ARL15: variants seen among roughly 807,000 people sequenced by gnomAD.
The protein encoded by ARL15 is ADP-ribosylation factor-like protein 15.
In ARL15, 19 loss-of-function variants were observed where a neutral mutation model predicts 25.2. The ratio of observed to expected loss-of-function variants is 0.75; its 90% CI spans 0.53 to 1.10. The LOEUF is 1.10. Ranked by LOEUF, ARL15 falls within the 50% of genes least tolerant of loss-of-function variation. The pLI is 0.00. For missense variants in ARL15, 220 were observed against 246.0 expected (o/e 0.89, Z 0.71); for synonymous variants, 94 against 86.8 (o/e 1.08, Z -0.46).
rs79343818 is a variant in ARL15, at chr5:54,119,589, T to G, written c.254-6179A>C. ...ATTAAGTGCCTATAACTTGAAGTTCTCAAATGACTTGATTTAGCATTTATA... is the reference window on the plus strand; with the variant it reads ...ATTAAGTGCCTATAACTTGAAGTTCGCAAATGACTTGATTTAGCATTTATA... On this transcript the variant is annotated intron_variant, in intron 3 of 4. Coordinates refer to ENST00000504924, the MANE Select transcript of ARL15 (RefSeq NM_019087.3). Among the ~76,000 whole-genome samples, 447 of 152,320 alleles carry G rather than the reference T, an allele frequency of 2.9e-3. 2 individuals carry two copies. The highest frequency in any genetic ancestry group is 8.1e-3 in the South Asian group (39 of 4,828).
chr5:53,963,668 C>T (rs552480068), intron 4 of ARL15, among the ~76,000 whole-genome samples: 3 of 151,926 alleles, frequency 2.0e-5, no homozygotes, highest in Non-Finnish European at 4.4e-5. Context: ...ATTAGCTGGG[C>T]ATGGTGGTGG....
chr5:54,168,106 T>C (rs1348614017), intron 2 of ARL15, among the ~76,000 whole-genome samples: 1 of 152,234 alleles, frequency 6.6e-6, no homozygotes, highest in African/African-American at 2.4e-5. Flanking sequence ...TATATTTTGT[T>C]AACTGATATA....
intron 1 of ARL15, among the ~76,000 whole-genome samples, chr5:54,279,996 C>A (rs1561293816): frequency 6.6e-6 from 1 of 152,182 alleles, no homozygotes; most frequent in South Asian, 2.1e-4. Context: ...TGCGAGCCAG[C>A]GCCCAAGTGT....
At chr5:54,114,090 T>TAAAC (rs370129747) in intron 3 of ARL15, among the ~76,000 whole-genome samples, 5 of 151,880 alleles carry the variant, frequency 3.3e-5, no homozygotes, top group Admixed American at 6.6e-5. Context: ...AACAAACAAA[T>TAAAC]AAACAAACAA....
At chr5:54,162,012 C>T (rs922050408) in intron 2 of ARL15, among the ~76,000 whole-genome samples, 1 of 139,150 alleles carries the variant, frequency 7.2e-6, no homozygotes, top group Non-Finnish European at 1.6e-5. Flanking sequence ...CACACACACA[C>T]ACACACACAC....
At chr5:53,956,131 C>G (rs1035258651) in intron 4 of ARL15, among the ~76,000 whole-genome samples, 1 of 152,082 alleles carries the variant, frequency 6.6e-6, no homozygotes, top group Non-Finnish European at 1.5e-5. Context: ...CCCCCCACCC[C>G]ACTTCCTCTC....
intron 3 of ARL15, among the ~76,000 whole-genome samples, chr5:54,119,651 C>T (rs1343173989): frequency 1.3e-5 from 2 of 152,104 alleles, no homozygotes; most frequent in African/African-American, 4.8e-5. Flanking sequence ...CCATTCCTAC[C>T]ATGTTCCTCT....
chr5:54,155,480 T>A (rs182450551), intron 2 of ARL15, among the ~76,000 whole-genome samples: 10 of 152,324 alleles, frequency 6.6e-5, no homozygotes, highest in South Asian at 2.1e-4. Context: ...ATGTCATGTA[T>A]CTATTTTTCT....
At chr5:54,209,723 C>A (rs1408872725) in intron 1 of ARL15, among the ~76,000 whole-genome samples, 1 of 151,922 alleles carries the variant, frequency 6.6e-6, no homozygotes. Context: ...CAGGTCATTT[C>A]TTTTACCTAG....
intron 3 of ARL15, among the ~76,000 whole-genome samples, chr5:54,137,172 A>C (rs368038323): frequency 1.8e-4 from 28 of 151,904 alleles, no homozygotes; most frequent in African/African-American, 6.3e-4. Context: ...GCAAAGTGAT[A>C]TATTCTAGGT....
intron 1 of ARL15, among the ~76,000 whole-genome samples, chr5:54,226,944 G>A (rs1296170436): frequency 6.6e-6 from 1 of 152,122 alleles, no homozygotes; most frequent in Non-Finnish European, 1.5e-5. Context: ...AGATCTGATG[G>A]TCTTATAAGG....
At chr5:54,205,062 G>A (rs558605616) in intron 1 of ARL15, among the ~76,000 whole-genome samples, 3 of 151,420 alleles carry the variant, frequency 2.0e-5, no homozygotes, top group Non-Finnish European at 4.4e-5. Flanking sequence ...AGCCTCCCAA[G>A]TAGCTGGGAT....
At chr5:53,981,543 T>A (rs1694057) in intron 4 of ARL15, among the ~76,000 whole-genome samples, 46,833 of 152,054 alleles carry the variant, frequency 0.31, 8,128 homozygotes, top group Middle Eastern at 0.44. Context: ...TAATCACTTA[T>A]AAGGATTCCT....
At chr5:53,907,488 A>ATATATATATTTTT (rs1360900279) in intron 4 of ARL15, among the ~76,000 whole-genome samples, 1 of 18,018 alleles carries the variant, frequency 5.6e-5, no homozygotes, top group African/African-American at 2.9e-4. Context: ...ATATATATAT[A>ATATATATATTTTT]TTTTTTTTTT....
chr5:54,064,730 T>TA (rs11318177), intron 4 of ARL15, among the ~76,000 whole-genome samples: 239 of 148,146 alleles, frequency 1.6e-3, no homozygotes, highest in African/African-American at 5.2e-3. Context: ...ATCTAGTGAG[T>TA]AAAAAAAAAA....
chr5:54,089,515 T>C (rs984504837), intron 4 of ARL15, among the ~76,000 whole-genome samples: 6 of 152,188 alleles, frequency 3.9e-5, no homozygotes, highest in Non-Finnish European at 8.8e-5. Context: ...GAAAAGGATA[T>C]CTTTTATAAA....
At chr5:54,280,697 C>G (rs188738829) in intron 1 of ARL15, among the ~76,000 whole-genome samples, 78 of 152,286 alleles carry the variant, frequency 5.1e-4, no homozygotes, top group African/African-American at 1.9e-3. Flanking sequence ...TACATATGTT[C>G]TTCTGTACGA....
At chr5:54,241,639 GAGT>G (rs1243788906) in intron 1 of ARL15, among the ~76,000 whole-genome samples, 2 of 152,130 alleles carry the variant, frequency 1.3e-5, no homozygotes, top group African/African-American at 4.8e-5. Context: ...TGACTCATGA[GAGT>G]AGGTCATCTT....
chr5:53,998,235 G>C (rs1748744519), intron 4 of ARL15, among the ~76,000 whole-genome samples: 1 of 140,704 alleles, frequency 7.1e-6, no homozygotes, highest in Non-Finnish European at 1.5e-5. Flanking sequence ...CCCATCTCTT[G>C]AATAATGTAT....
Sources: allele counts gnomAD v4.1 joint callset (sites outside exome capture counted in the v4.1 genomes callset), GRCh38; gene constraint gnomAD v4.1.1; transcripts MANE v1.5; gene names NCBI Gene and HGNC (gene_info 2026-07-23, HGNC 2026-07-21).